BMPR1B: variants seen among roughly 807,000 people sequenced by gnomAD.
The protein encoded by BMPR1B is bone morphogenetic protein receptor type 1B.
In BMPR1B, 12 loss-of-function variants were observed where a neutral mutation model predicts 59.1. That is an observed-to-expected ratio of 0.20 (90% CI 0.13 to 0.33). BMPR1B has a LOEUF of 0.33. Among genes scored for constraint, BMPR1B ranks in the 10% least tolerant of loss-of-function variants. The probability of loss-of-function intolerance (pLI) is 1.00; values close to 1 mark genes in which losing one functional copy is unlikely to be tolerated. For missense variants in BMPR1B, 550 were observed against 610.9 expected (o/e 0.90, Z 1.05); for synonymous variants, 237 against 207.3 (o/e 1.14, Z -1.23).
chr4:94,937,640 A>G (rs1283742311), intron 2 of BMPR1B, among the ~76,000 whole-genome samples: 1 of 152,218 alleles, frequency 6.6e-6, no homozygotes, highest in Non-Finnish European at 1.5e-5. Flanking sequence ...TGAAATAATG[A>G]CAGACTACAA....
At chr4:95,150,556 A>G (rs1734968643) in intron 11 of BMPR1B, among the ~76,000 whole-genome samples, 1 of 152,042 alleles carries the variant, frequency 6.6e-6, no homozygotes, top group Non-Finnish European at 1.5e-5. Flanking sequence ...GAACAAGGTT[A>G]TTTTTCTAAT....
At chr4:94,996,550 AG>A in intron 3 of BMPR1B, among the ~76,000 whole-genome samples, 1 of 152,224 alleles carries the variant, frequency 6.6e-6, no homozygotes. Context: ...ATGAAGGTGC[AG>A]TAGTCAGTGT....
At chr4:94,957,057 T>C (rs915689791) in intron 2 of BMPR1B, among the ~76,000 whole-genome samples, 2 of 152,214 alleles carry the variant, frequency 1.3e-5, no homozygotes, top group Non-Finnish European at 2.9e-5. Context: ...GTTTATTCAT[T>C]TGGCAAAATA....
chr4:94,870,179 C>T (rs1454066189), intron 1 of BMPR1B, among the ~76,000 whole-genome samples: 4 of 152,124 alleles, frequency 2.6e-5, no homozygotes, highest in Non-Finnish European at 5.9e-5. Context: ...TACAGGGGTT[C>T]TTGCAATGTG....
chr4:94,963,286 T>C lies in BMPR1B; in HGVS notation c.-112-32754T>C, dbSNP rs542640986. 1.8e-4 allele frequency among the ~76,000 whole-genome samples: 27 copies of C among 152,326 alleles called. No individual in the cohort carries two copies. The South Asian group carries it at 4.1e-3, about 23-fold the overall frequency. ...TAGTTTATAAATTTTTTTTGCATTC[T>C]GTAGGATAGCTCTCCACTTTGTTAA... is the stretch of plus-strand genomic sequence containing the variant. On this transcript the variant is annotated intron_variant, in intron 2 of 12. Coordinates refer to ENST00000515059, the MANE Select transcript of BMPR1B (RefSeq NM_001203.3).
At chr4:94,941,291 G>T (rs1352273671) in intron 2 of BMPR1B, among the ~76,000 whole-genome samples, 1 of 149,918 alleles carries the variant, frequency 6.7e-6, no homozygotes, top group African/African-American at 2.5e-5. Context: ...AATTAGTGGG[G>T]CATGGTGGTG....
chr4:94,772,789 C>T (rs377120771), intron 1 of BMPR1B, among the ~76,000 whole-genome samples: 7 of 152,028 alleles, frequency 4.6e-5, no homozygotes, highest in African/African-American at 7.2e-5. Flanking sequence ...CTGGATTTAA[C>T]GATGTGACCT....
At chr4:94,882,475 T>TG (rs1727011837) in intron 2 of BMPR1B, among the ~76,000 whole-genome samples, 1 of 152,164 alleles carries the variant, frequency 6.6e-6, no homozygotes, top group Admixed American at 6.5e-5. Flanking sequence ...TTGGTGGTGG[T>TG]GTTTGGTATA....
chr4:94,864,153 A>G (rs1347395895), intron 1 of BMPR1B, among the ~76,000 whole-genome samples: 1 of 152,182 alleles, frequency 6.6e-6, no homozygotes, highest in Non-Finnish European at 1.5e-5. Flanking sequence ...GGAAAAATCA[A>G]GGGATATATA....
intron 4 of BMPR1B, among the ~76,000 whole-genome samples, chr4:95,107,946 T>C (rs1483729081): frequency 6.6e-6 from 1 of 152,082 alleles, no homozygotes; most frequent in Non-Finnish European, 1.5e-5. Context: ...AATCCAGGAC[T>C]TTCTACTTCC....
chr4:94,781,991 G>T (rs1722608491), intron 1 of BMPR1B, among the ~76,000 whole-genome samples: 2 of 145,170 alleles, frequency 1.4e-5, no homozygotes, highest in Non-Finnish European at 3.1e-5. Context: ...TGTTTATTCT[G>T]CTTGGAATTT....
At chr4:94,936,698 TATTTCCAAA>T (rs1729314986) in intron 2 of BMPR1B, among the ~76,000 whole-genome samples, 1 of 152,192 alleles carries the variant, frequency 6.6e-6, no homozygotes, top group Admixed American at 6.5e-5. Context: ...ATATTTAGTT[TATTTCCAAA>T]CTAAGAATGG....
At chr4:95,026,875 C>G (rs1724459069) in intron 3 of BMPR1B, among the ~76,000 whole-genome samples, 1 of 151,788 alleles carries the variant, frequency 6.6e-6, no homozygotes, top group South Asian at 2.1e-4. Context: ...ATTGTCTTCC[C>G]TCAGCCTCCC....
chr4:94,892,912 A>T (rs1278812248), intron 2 of BMPR1B, among the ~76,000 whole-genome samples: 1 of 152,072 alleles, frequency 6.6e-6, no homozygotes, highest in Non-Finnish European at 1.5e-5. Context: ...TTTGGAGTTC[A>T]GTTTGAGTAA....
intron 2 of BMPR1B, among the ~76,000 whole-genome samples, chr4:94,919,440 T>C (rs908815226): frequency 6.6e-5 from 10 of 152,212 alleles, no homozygotes; most frequent in African/African-American, 2.4e-4. Context: ...CCAATACTTA[T>C]CCTTGCTACT....
At chr4:94,787,964 C>T (rs1029300419) in intron 1 of BMPR1B, among the ~76,000 whole-genome samples, 1 of 152,112 alleles carries the variant, frequency 6.6e-6, no homozygotes, top group Non-Finnish European at 1.5e-5. Context: ...TCAGTAAAAG[C>T]AGCAACTTGT....
chr4:95,111,357 C>T (rs1439808408), intron 4 of BMPR1B, among the ~76,000 whole-genome samples: 7 of 151,986 alleles, frequency 4.6e-5, no homozygotes, highest in African/African-American at 1.7e-4. Flanking sequence ...CTGGGGTTTA[C>T]AATAAAGAAA....
intron 3 of BMPR1B, among the ~76,000 whole-genome samples, chr4:95,024,325 G>C (rs900659316): frequency 1.8e-4 from 27 of 152,118 alleles, no homozygotes; most frequent in African/African-American, 6.0e-4. Context: ...CGTATTTCAG[G>C]TTAAAATTTC....
chr4:95,035,263 G>T (rs1725156358), intron 3 of BMPR1B, among the ~76,000 whole-genome samples: 1 of 152,002 alleles, frequency 6.6e-6, no homozygotes, highest in Non-Finnish European at 1.5e-5. Context: ...CTTTTGCTTT[G>T]CAGAAGCTTT....
Sources: gnomAD v4.1 joint callset for allele counts (sites outside exome capture counted in the v4.1 genomes callset) on GRCh38, gnomAD v4.1.1 for gene constraint, MANE v1.5 for transcripts, NCBI Gene and HGNC (gene_info 2026-07-23, HGNC 2026-07-21) for gene names.